Variants in ANKRD33B observed in about 807,000 individuals in gnomAD.
The protein encoded by ANKRD33B is ankyrin repeat domain 33B.
A neutral mutation model predicts 21.5 loss-of-function variants in ANKRD33B; 6 were observed. The observed-to-expected ratio is 0.28, with a 90% CI of 0.15 to 0.55. ANKRD33B has a LOEUF of 0.55. ANKRD33B is among the 20% of genes least tolerant of loss of function. The pLI, the probability that ANKRD33B is intolerant of heterozygous loss-of-function variation, is 0.94. For missense variants in ANKRD33B, 698 were observed against 747.2 expected, an observed-to-expected ratio of 0.93 and a Z score of 0.77; for synonymous variants, 347 against 342.4, an observed-to-expected ratio of 1.01 and a Z score of -0.15.
Position 10,587,679 on chromosome 5 carries a change from T to G in ANKRD33B, c.366+22846T>G, listed in dbSNP as rs568435192. 3.9e-5 allele frequency among the ~76,000 whole-genome samples: 6 copies of G among 152,240 alleles called. No homozygotes were observed. The South Asian group carries it at 1.2e-3, about 32-fold the overall frequency. ...TTTTTCGGTGTTCTTTTCTGACTTG[T>G]GCTGTGAAATATATATGCTCTGCCA... is the stretch of plus-strand genomic sequence containing the variant. On this transcript the variant is annotated intron_variant, in intron 1 of 3. Coordinates refer to ENST00000296657, the MANE Select transcript of ANKRD33B (RefSeq NM_001164440.2).
chr5:10,591,287 G>GT (rs1307036935), intron 1 of ANKRD33B, among the ~76,000 whole-genome samples: 1 of 140,718 alleles, frequency 7.1e-6, no homozygotes, highest in Non-Finnish European at 1.5e-5. Context: ...CCCCCTCCCA[G>GT]TTTCAAGCAA....
At chr5:10,643,224 C>T (rs1249159095) in intron 3 of ANKRD33B, among the ~76,000 whole-genome samples, 1 of 152,032 alleles carries the variant, frequency 6.6e-6, no homozygotes, top group Non-Finnish European at 1.5e-5. Flanking sequence ...AATTTCAGCA[C>T]TACTAACATG....
intron 1 of ANKRD33B, among the ~76,000 whole-genome samples, chr5:10,592,336 C>T (rs1188176057): frequency 6.6e-6 from 1 of 150,574 alleles, no homozygotes; most frequent in Non-Finnish European, 1.5e-5. Context: ...CCTGGCTGGG[C>T]GCGGTGGCGC....
chr5:10,611,188 C>G (rs1281309100), intron 1 of ANKRD33B, among the ~76,000 whole-genome samples: 1 of 152,174 alleles, frequency 6.6e-6, no homozygotes, highest in Non-Finnish European at 1.5e-5. Flanking sequence ...CACAAAAAGG[C>G]ATTTCAACTT....
chr5:10,621,971 C>A (rs1736431851), intron 2 of ANKRD33B, among the ~76,000 whole-genome samples: 1 of 152,184 alleles, frequency 6.6e-6, no homozygotes, highest in Non-Finnish European at 1.5e-5. Flanking sequence ...CGCTCCTTCC[C>A]CACCATGTAA....
At chr5:10,600,953 A>G (rs1247084142) in intron 1 of ANKRD33B, among the ~76,000 whole-genome samples, 2 of 135,180 alleles carry the variant, frequency 1.5e-5, no homozygotes, top group Non-Finnish European at 3.2e-5. Context: ...TAAATTTTGT[A>G]CATTAAAAAA....
chr5:10,637,363 G>A (rs1041227860), intron 2 of ANKRD33B, among the ~76,000 whole-genome samples: 4 of 149,838 alleles, frequency 2.7e-5, no homozygotes, highest in Non-Finnish European at 5.9e-5. Flanking sequence ...TACCTGCTTT[G>A]CTTTATAGCT....
chr5:10,609,454 A>AG (rs1374206201), intron 1 of ANKRD33B, among the ~76,000 whole-genome samples: 1 of 152,104 alleles, frequency 6.6e-6, no homozygotes, highest in Admixed American at 6.5e-5. Context: ...AGGGAGGCTG[A>AG]GGGGGGAGGA....
intron 2 of ANKRD33B, among the ~76,000 whole-genome samples, chr5:10,623,958 A>G (rs570648535): frequency 6.6e-6 from 1 of 152,276 alleles, no homozygotes; most frequent in South Asian, 2.1e-4. Flanking sequence ...TTAGAGGTGA[A>G]TACCTCTTCC....
intron 1 of ANKRD33B, among the ~76,000 whole-genome samples, chr5:10,590,234 C>T (rs1735652490): frequency 6.6e-6 from 1 of 152,130 alleles, no homozygotes; most frequent in African/African-American, 2.4e-5. Flanking sequence ...GGCCCTGTCT[C>T]CTGATACATC....
chr5:10,581,595 T>A lies in ANKRD33B; in HGVS notation c.366+16762T>A, dbSNP rs1308231226. On this transcript the variant is annotated intron_variant, in intron 1 of 3. Transcript: ENST00000296657. ...TCCCTGTCATGGTTAGTTTTATGAG[T>A]CAGCTGGGCTAGGCCACAGTACCCA... 3.3e-5 allele frequency among the ~76,000 whole-genome samples: 5 copies of A among 152,346 alleles called. No individual in the cohort carries two copies. The East Asian group carries it at 9.6e-4, about 29-fold the overall frequency.
At chr5:10,632,632 G>T (rs1313816819) in intron 2 of ANKRD33B, among the ~76,000 whole-genome samples, 1 of 152,122 alleles carries the variant, frequency 6.6e-6, no homozygotes, top group Admixed American at 6.5e-5. Context: ...GAATGCTCCC[G>T]TGGCTTCCTG....
intron 1 of ANKRD33B, among the ~76,000 whole-genome samples, chr5:10,570,286 G>A (rs1051306006): frequency 3.3e-5 from 5 of 152,222 alleles, no homozygotes; most frequent in African/African-American, 1.2e-4. Flanking sequence ...GTTTTGTTGG[G>A]GGTGGCCTAT....
At chr5:10,565,919 A>G (rs1735042554) in intron 1 of ANKRD33B, among the ~76,000 whole-genome samples, 1 of 152,120 alleles carries the variant, frequency 6.6e-6, no homozygotes, top group Non-Finnish European at 1.5e-5. Flanking sequence ...TGACTTGGGG[A>G]CCCGGGTGAC....
Position 10,628,093 on chromosome 5 carries a change from T to C in ANKRD33B, c.496+9631T>C, listed in dbSNP as rs16885039. The C allele has an allele frequency of 0.011, 1,619 of 152,402 alleles. 64 individuals carry two copies. The East Asian group carries it at 0.15, about 14-fold the overall frequency. The allele number at this position is 152,402 out of a possible 1,614,324, so 9.4% of individuals were successfully genotyped here. A position where few individuals can be genotyped will look rare whatever the true frequency, so the allele number is the denominator to read the frequency against. ...GACAGCTCCCTCTACTGGCCTGGTC[T>C]GGAGAACTGCAGTTTGAGTGCCTTG... On this transcript the variant is annotated intron_variant, in intron 2 of 3. Transcript: ENST00000296657.
At chr5:10,599,816 A>C (rs539448712) in intron 1 of ANKRD33B, among the ~76,000 whole-genome samples, 1 of 152,264 alleles carries the variant, frequency 6.6e-6, no homozygotes, top group African/African-American at 2.4e-5. Flanking sequence ...CTTTGTTTCA[A>C]CCTCTGCTTT....
chr5:10,590,638 T>C (rs1351527153), intron 1 of ANKRD33B, among the ~76,000 whole-genome samples: 1 of 152,010 alleles, frequency 6.6e-6, no homozygotes, highest in Non-Finnish European at 1.5e-5. Context: ...TTTCAGCCAG[T>C]GTTAGTGTTA....
Position 10,611,073 on chromosome 5 carries a change from A to G in ANKRD33B, c.367-7260A>G, listed in dbSNP as rs1022788886. Among the ~76,000 whole-genome samples the G allele has an allele frequency of 1.2e-4, 18 of 152,274 alleles. 1 individual carries two copies. The highest frequency in any genetic ancestry group is 1.2e-3 in the Admixed American group (18 of 15,302). ...TAAATAAATAAATAAATAAAAATATATTGTTTATGGATACATGCATATGTA... is the reference window on the plus strand; with the variant it reads ...TAAATAAATAAATAAATAAAAATATGTTGTTTATGGATACATGCATATGTA... On this transcript the variant is annotated intron_variant, in intron 1 of 3. Coordinates refer to ENST00000296657, the MANE Select transcript of ANKRD33B (RefSeq NM_001164440.2).
At chr5:10,585,729 G>C (rs1735540408) in intron 1 of ANKRD33B, among the ~76,000 whole-genome samples, 1 of 152,254 alleles carries the variant, frequency 6.6e-6, no homozygotes. Flanking sequence ...GGGTTACCAT[G>C]CTGGGTGAGG....
Sources: gnomAD v4.1 joint callset for allele counts (sites outside exome capture counted in the v4.1 genomes callset) on GRCh38, gnomAD v4.1.1 for gene constraint, MANE v1.5 for transcripts, NCBI Gene and HGNC (gene_info 2026-07-23, HGNC 2026-07-21) for gene names.